RFC4: variants seen among roughly 807,000 people sequenced by gnomAD.
RFC4 encodes the protein A1 37 kDa subunit.
RFC4 carries 38 observed loss-of-function variants against 47.6 expected under a neutral mutation model. The ratio of observed to expected loss-of-function variants is 0.80; its 90% confidence interval spans 0.62 to 1.05. The LOEUF (loss-of-function observed/expected upper bound fraction) is 1.05, where lower values mean the gene tolerates loss of function less well. RFC4 is among the 50% of genes least tolerant of loss of function. The probability of loss-of-function intolerance (pLI) is 0.00; values close to 1 mark genes in which losing one functional copy is unlikely to be tolerated. For missense variants in RFC4, 489 were observed against 434.0 expected (o/e 1.13, Z -1.13); for synonymous variants, 164 against 150.0 (o/e 1.09, Z -0.68).
In RFC4 at chr3:186,789,942, A is replaced by G. The variant is rs1722019394; in HGVS notation, c.*27T>C. The G allele has an allele frequency of 5.8e-6, 8 of 1,384,124 alleles. No individual in the cohort carries two copies. The highest frequency in any genetic ancestry group is 8.2e-6 in the Non-Finnish European group (8 of 981,270). The allele number at this position is 1,384,124 out of a possible 1,614,324, so 85.7% of individuals were successfully genotyped here. ...TTTTTATTACAACTTCATTATTTAC[A>G]AAACCCCCCATCCAGATATATTCAC... On this transcript the variant is annotated 3_prime_UTR_variant, in exon 11 of 11. Transcript: ENST00000296273.
rs1722267565 is a variant in RFC4 at position 186,797,550 on chromosome 3, G to C, written c.275C>G (p.Ala92Gly). ...TTCAACGTACCCAAAGAGTTCTCTA[G>C]CTGCTGCCAAAATAGTGGATGTTTT... Reference protein sequence around the residue: ...TGKTSTILAAARELFGPELFR... With the variant: ...TGKTSTILAAGRELFGPELFR... Residue 92 changes from alanine (A) to glycine (G), a missense_variant, in exon 4 of 11, where the codon GCT becomes GGT. Ala to Gly is a moderately conservative substitution (Grantham distance 60). This residue lies in a region of RFC4 where 206 missense variants were observed against 257.8 expected (regional missense o/e 0.80). Transcript: ENST00000296273. 3.1e-6 allele frequency: 5 copies of C among 1,609,822 alleles called. No homozygotes were observed. Among genetic ancestry groups the C allele is most frequent in the Non-Finnish European group, 4.2e-6 (5 of 1,177,026 alleles).
intron 3 of RFC4, 80 bp downstream of exon 3, chr3:186,801,037 A>G: frequency 9.6e-6 from 10 of 1,038,780 alleles, no homozygotes; most frequent in Non-Finnish European, 1.5e-5. Context: ...AACGAGGGCT[A>G]GAAGTTATAA....
Position 186,790,073 on chromosome 3 carries a change from AAAATTTAAG to A in RFC4, c.997-18_997-10del, listed in dbSNP as rs1228836123. On this transcript the variant is annotated splice_polypyrimidine_tract_variant and intron_variant, in intron 10 of 10. Transcript: ENST00000296273. ...AGGCATTTGTCAACTTCCTACGAGAAAAATTTAAGAAATTAGCATCCTTCAGGTAGTTAA... is the reference window on the plus strand; with the variant it reads ...AGGCATTTGTCAACTTCCTACGAGAAAAATTAGCATCCTTCAGGTAGTTAA... 6.2e-6 allele frequency: 10 copies of A among 1,611,990 alleles called. No individual in the cohort carries two copies. Among genetic ancestry groups the A allele is most frequent in the Non-Finnish European group, 6.8e-6 (8 of 1,178,314 alleles).
chr3:186,791,458 A>C, intron 8 of RFC4: 1 of 400,482 alleles, frequency 2.5e-6, no homozygotes, highest in Non-Finnish European at 4.8e-6. Context: ...CGACACAGCA[A>C]GACTCTGTCT....
rs781505018 is a variant in RFC4 at position 186,792,493 on chromosome 3, A to G, written c.672T>C (p.Asp224=). The G allele has an allele frequency of 6.2e-7, 1 of 1,610,568 alleles. No individual in the cohort carries two copies. Among genetic ancestry groups the G allele is most frequent in the Non-Finnish European group, 8.5e-7 (1 of 1,176,896 alleles). ...AATTGTAATAATTAGTAATTACCTCATCACTAATTTTGACATTTTCCTTCT... is the reference window on the plus strand; with the variant it reads ...AATTGTAATAATTAGTAATTACCTCGTCACTAATTTTGACATTTTCCTTCT... ...IAKKENVKIS[D]EGIAYLVKVS... is the part of the protein sequence containing the mutation. Residue 224 remains aspartate, a synonymous_variant, in exon 7 of 11, where the codon GAT becomes GAC. Transcript: ENST00000296273.
intron 2 of RFC4, among the ~76,000 whole-genome samples, chr3:186,802,056 C>T (rs938427504): frequency 6.3e-5 from 9 of 143,238 alleles, no homozygotes; most frequent in African/African-American, 1.5e-4. Flanking sequence ...TTAAAGTGAA[C>T]ACCTGCTTAG....
intron 1 of RFC4, among the ~76,000 whole-genome samples, chr3:186,805,887 G>T (rs1180386055): frequency 6.6e-6 from 1 of 152,194 alleles, no homozygotes; most frequent in Admixed American, 6.5e-5. Flanking sequence ...TTTGGTGAAT[G>T]AATTACCATC....
chr3:186,792,959 A>G lies in RFC4; in HGVS notation c.411-12T>C. ...GACACGGCTTCCCACTGATTCAGAG[A>G]AACACATAAGAGTTGAACATTAATA... On this transcript the variant is annotated splice_polypyrimidine_tract_variant and intron_variant, in intron 5 of 10. Transcript: ENST00000296273. 1 of 1,610,240 alleles carries G rather than the reference A, an allele frequency of 6.2e-7. No homozygotes were observed. Among genetic ancestry groups the G allele is most frequent in the Admixed American group, 1.7e-5 (1 of 58,966 alleles).
chr3:186,801,382 G>A, intron 2 of RFC4, 187 bp from the exon 3 acceptor site: 1 of 586,680 alleles, frequency 1.7e-6, no homozygotes. Flanking sequence ...AACACATTCT[G>A]AAAGAGTGAA....
rs190947091 is a variant in RFC4 at position 186,790,479 on chromosome 3, C to T, written c.802-73G>A. 1,527 of 1,050,350 alleles carry T rather than the reference C, an allele frequency of 1.5e-3. 17 individuals are homozygous for T. Among genetic ancestry groups the T allele is most frequent in the Non-Finnish European group, 3.8e-4 (252 of 668,104 alleles). The allele number at this position is 1,050,350 out of a possible 1,614,324, so 65.1% of individuals were successfully genotyped here. A position where few individuals can be genotyped will look rare whatever the true frequency, so the allele number is the denominator to read the frequency against. The stretch of plus-strand genomic sequence containing the variant: ...GACATACACTCTGCCAACTGGCCCC[C>T]GTGCCCCCAGTCATTTCTGTTCCAC... On this transcript the variant is annotated intron_variant, in intron 8 of 10. Transcript: ENST00000296273.
At chr3:186,799,885 A>C (rs1722317288) in intron 3 of RFC4, among the ~76,000 whole-genome samples, 1 of 152,212 alleles carries the variant, frequency 6.6e-6, no homozygotes, top group African/African-American at 2.4e-5. Flanking sequence ...ATACCAAAAA[A>C]TAAAATGCTA....
rs56034156 is a variant in RFC4 at position 186,790,775 on chromosome 3, TTCTC to T, written c.802-373_802-370del. Among the ~76,000 whole-genome samples the T allele has an allele frequency of 1.7e-3, 254 of 152,348 alleles. 5 individuals carry two copies. In the East Asian group the frequency reaches 0.039, roughly 23 times the overall value. ...GATTTCTTTAAAGGGGAAGTGCCCT[TTCTC>T]TCAATGTCTCCATGTAAAGATGCCA... On this transcript the variant is annotated intron_variant, in intron 8 of 10. Coordinates refer to ENST00000296273, the MANE Select transcript of RFC4 (RefSeq NM_002916.5).
chr3:186,801,963 T>G (rs1722366349), intron 2 of RFC4, among the ~76,000 whole-genome samples: 1 of 136,634 alleles, frequency 7.3e-6, no homozygotes. Flanking sequence ...GCAGAGGTTG[T>G]GGTGAGCCGA....
At chr3:186,797,378 A>C (rs1188850813) in intron 4 of RFC4, among the ~76,000 whole-genome samples, 157 bp downstream of exon 4, 1 of 152,240 alleles carries the variant, frequency 6.6e-6, no homozygotes, top group Non-Finnish European at 1.5e-5. Context: ...CAGGGGAGTG[A>C]GGGAGGAACA....
At chr3:186,792,381 GA>G in intron 7 of RFC4, 108 bp downstream of exon 7, 1 of 888,508 alleles carries the variant, frequency 1.1e-6, no homozygotes. Flanking sequence ...TTTGTCTGAA[GA>G]ACTGGCATCA....
rs773508318 is a variant in RFC4 at position 186,804,603 on chromosome 3, G to A, written c.111C>T (p.Pro37=). The change falls in exon 2 of 11, where the codon CCC becomes CCT. Residue 37 remains proline, a synonymous_variant. Coordinates refer to ENST00000296273, the MANE Select transcript of RFC4 (RefSeq NM_002916.5). ...CTTACTATTTTTCCACCCAGGGAAC[G>A]GGTTTGGCTTTCTTGTTCTCTCCGC... The part of the protein sequence containing the change: ...GSSGENKKAK[P]VPWVEKYRPK... The A allele has an allele frequency of 1.1e-5, 18 of 1,613,800 alleles. No individual in the cohort carries two copies. The highest frequency in any genetic ancestry group is 2.2e-5 in the East Asian group (1 of 44,884).
At chr3:186,794,622 T>C (rs950530233) in intron 5 of RFC4, 36 bp downstream of exon 5, 3 of 1,594,312 alleles carry the variant, frequency 1.9e-6, no homozygotes, top group African/African-American at 1.4e-5. Context: ...TTTAAAATAA[T>C]ACATGCTATG....
At position 186,796,289 on chromosome 3, in the gene RFC4, T is replaced by C. The variant is rs1722243244; in HGVS notation, c.290+1246A>G. 6.6e-6 allele frequency among the ~76,000 whole-genome samples: 1 copy of C among 152,238 alleles called. No homozygotes were observed. The highest frequency in any genetic ancestry group is 1.5e-5 in the Non-Finnish European group (1 of 68,034). On this transcript the variant is annotated intron_variant, in intron 4 of 10. Coordinates refer to ENST00000296273, the MANE Select transcript of RFC4 (RefSeq NM_002916.5). This position sits in a 1 kb window ranked among gnomAD's most constrained non-coding sequence, Gnocchi z 4.2. ...TGGACTGACCTACTCTAAGTAATAA[T>C]AAACAACTGTTAAGGCTGATTCAGA... is the stretch of plus-strand genomic sequence containing the variant.
At chr3:186,791,482 A>C (rs995832623) in intron 8 of RFC4, 10 of 461,344 alleles carry the variant, frequency 2.2e-5, no homozygotes, top group African/African-American at 1.8e-4. Context: ...AAAAAAAAAA[A>C]CAAAAAAACT....
Sources: allele counts gnomAD v4.1 joint callset (sites outside exome capture counted in the v4.1 genomes callset), GRCh38; gene constraint gnomAD v4.1.1; regional missense constraint gnomAD v4.1.1; non-coding constraint Gnocchi (gnomAD v3.1); transcripts MANE v1.5; gene names NCBI Gene and HGNC (gene_info 2026-07-23, HGNC 2026-07-21).